The following MAGI1 variants were observed in gnomAD, a reference collection of about 807,000 sequenced individuals.
MAGI1 encodes the protein membrane-associated guanylate kinase, WW and PDZ domain-containing protein 1.
MAGI1 carries 58 observed loss-of-function variants against 139.9 expected under a neutral mutation model. The observed-to-expected ratio is 0.41, with a 90% CI of 0.34 to 0.52. The LOEUF (loss-of-function observed/expected upper bound fraction) is 0.52, where lower values mean the gene tolerates loss of function less well. MAGI1 is among the 20% of genes least tolerant of loss of function. The probability of loss-of-function intolerance (pLI) is 0.12; values close to 1 mark genes in which losing one functional copy is unlikely to be tolerated. For missense variants in MAGI1, 1,874 were observed against 1,901.6 expected (o/e 0.99, Z 0.27); for synonymous variants, 812 against 737.9 (o/e 1.10, Z -1.63).
In MAGI1 at chr3:65,550,098, A is replaced by C. The variant is rs993765072; in HGVS notation, c.431-56467T>G. Among the ~76,000 whole-genome samples the C allele has an allele frequency of 3.9e-5, 6 of 152,254 alleles. No individual in the cohort carries two copies. The East Asian group carries it at 5.8e-4, about 15-fold the overall frequency. On this transcript the variant is annotated intron_variant, in intron 2 of 22. Transcript: ENST00000402939. ...CTCAGTGGAAACCTCTGCTGGCCCC[A>C]TTCCATAGAAGAAAAGCTACCCACA... is the stretch of plus-strand genomic sequence containing the variant.
intron 1 of MAGI1, among the ~76,000 whole-genome samples, chr3:65,735,356 CGTGTGTGTGTGTGT>C (rs368243061): frequency 6.8e-6 from 1 of 148,078 alleles, no homozygotes; most frequent in Non-Finnish European, 1.5e-5. Context: ...TGTGTCTGCA[CGTGTGTGTGTGTGT>C]GTGTGTGTAC....
Position 65,361,218 on chromosome 3 carries a change from G to A in MAGI1, c.3615C>T (p.Asp1205=), listed in dbSNP as rs61751923. The change falls in exon 22 of 23, where the codon GAC becomes GAT. Residue 1205 remains aspartate (D), a synonymous_variant. Coordinates refer to ENST00000402939, the MANE Select transcript of MAGI1 (RefSeq NM_001033057.2). ...ACCCACCATATTCTGGTACTGAGCC[G>A]TCTCCCCGCTTCAGAAACAGACGAA... ...RRVRLFLKRG[D]GSVPEYDPSS... is the part of the protein sequence containing the mutation. The A allele has an allele frequency of 8.3e-4, 1,338 of 1,614,120 alleles. 11 individuals are homozygous for A. In the African/African-American group the frequency reaches 0.013, roughly 16 times the overall value.
chr3:65,959,967 A>C (rs1178547154), intron 1 of MAGI1, among the ~76,000 whole-genome samples: 1 of 150,978 alleles, frequency 6.6e-6, no homozygotes, highest in Non-Finnish European at 1.5e-5. Flanking sequence ...CATCACGCCC[A>C]GCTAATTTTT....
chr3:65,396,037 C>T (rs929196504), intron 13 of MAGI1, among the ~76,000 whole-genome samples: 1 of 151,920 alleles, frequency 6.6e-6, no homozygotes, highest in Non-Finnish European at 1.5e-5. Flanking sequence ...CACTTTGTTG[C>T]CAAATTCAAC....
chr3:65,700,848 G>A (rs2089550895), intron 1 of MAGI1, among the ~76,000 whole-genome samples: 3 of 152,298 alleles, frequency 2.0e-5, no homozygotes, highest in Non-Finnish European at 1.5e-5. Flanking sequence ...TGATGCATGT[G>A]TTAATTAAAT....
rs760336137 is a variant in MAGI1 at position 65,382,028 on chromosome 3, A to G, written c.2550T>C (p.Thr850=). 4 of 1,614,082 alleles carry G rather than the reference A, an allele frequency of 2.5e-6. No individual in the cohort carries two copies. In the East Asian group the frequency reaches 8.9e-5, roughly 36 times the overall value. ...GHIVPLGAAD[T]DGRLRSGDEL... is the part of the protein sequence containing the mutation. ...CATCTCCAGACCTCAGGCGGCCGTC[A>G]GTATCAGCAGCACCCAGTGGTACGA... Residue 850 remains threonine, a synonymous_variant, in exon 16 of 23, where the codon ACT becomes ACC. Coordinates refer to ENST00000402939, the MANE Select transcript of MAGI1 (RefSeq NM_001033057.2).
At chr3:65,690,078 T>C (rs1184822105) in intron 1 of MAGI1, among the ~76,000 whole-genome samples, 1 of 151,890 alleles carries the variant, frequency 6.6e-6, no homozygotes, top group Non-Finnish European at 1.5e-5. Context: ...GCAATAGGAG[T>C]GGCTGCAAGG....
intron 2 of MAGI1, among the ~76,000 whole-genome samples, chr3:65,529,634 A>G (rs1430592242): frequency 6.6e-6 from 1 of 152,108 alleles, no homozygotes; most frequent in Non-Finnish European, 1.5e-5. Flanking sequence ...AGTTGTTTCC[A>G]ACTTTTGGCT....
rs2088103426 is a variant in MAGI1 at position 65,686,993 on chromosome 3, C to G, written c.314-64905G>C. On this transcript the variant is annotated intron_variant, in intron 1 of 22. Transcript: ENST00000402939. ...TATAGCTGAAACATTCACAGTGATT[C>G]TATGTATAGGTGCAAGCATCTCACT... Among the ~76,000 whole-genome samples the G allele has an allele frequency of 2.6e-5, 4 of 152,134 alleles. 1 individual carries two copies. In the South Asian group the frequency reaches 8.3e-4, roughly 32 times the overall value.
chr3:65,722,811 C>T (rs985447045), intron 1 of MAGI1, among the ~76,000 whole-genome samples: 2 of 150,714 alleles, frequency 1.3e-5, no homozygotes, highest in Admixed American at 1.3e-4. Context: ...CATAGGCCCA[C>T]ATTTCTGTAA....
chr3:65,708,980 G>A (rs1346098702), intron 1 of MAGI1, among the ~76,000 whole-genome samples: 1 of 152,120 alleles, frequency 6.6e-6, no homozygotes, highest in East Asian at 1.9e-4. Context: ...GGCAAACTGA[G>A]GTTTTATAAA....
chr3:65,740,942 C>G lies in MAGI1; in HGVS notation c.314-118854G>C, dbSNP rs115531572. ...TTTTTCCTTCTTTATGCTTTTCTAT[C>G]TTTCCTAAGTATTTCAGATTTACTG... is the stretch of plus-strand genomic sequence containing the variant. On this transcript the variant is annotated intron_variant, in intron 1 of 22. Coordinates refer to ENST00000402939, the MANE Select transcript of MAGI1 (RefSeq NM_001033057.2). Among the ~76,000 whole-genome samples, 626 of 152,242 alleles carry G rather than the reference C, an allele frequency of 4.1e-3. 5 individuals carry two copies. Among genetic ancestry groups the G allele is most frequent in the African/African-American group, 0.014 (586 of 41,544 alleles).
chr3:65,781,229 G>C (rs2038906968), intron 1 of MAGI1, among the ~76,000 whole-genome samples: 1 of 151,900 alleles, frequency 6.6e-6, no homozygotes, highest in Non-Finnish European at 1.5e-5. Flanking sequence ...AAAGTTAAAA[G>C]TTCGGATGGA....
intron 2 of MAGI1, chr3:65,597,943 G>C (rs1429785965): frequency 4.4e-6 from 2 of 452,706 alleles, no homozygotes; most frequent in African/African-American, 4.1e-5. Flanking sequence ...GGGTGGGACC[G>C]AACCCCTTCC....
At chr3:65,886,268 T>C (rs2060527768) in intron 1 of MAGI1, among the ~76,000 whole-genome samples, 1 of 152,218 alleles carries the variant, frequency 6.6e-6, no homozygotes, top group African/African-American at 2.4e-5. Context: ...TATGTTGTAT[T>C]TTTTGACAGT....
At chr3:65,366,094 G>A (rs138206772) in intron 18 of MAGI1, among the ~76,000 whole-genome samples, 64 of 152,204 alleles carry the variant, frequency 4.2e-4, no homozygotes, top group African/African-American at 1.5e-3. Context: ...CTCATTAGCT[G>A]TGTGCCTTAT....
intron 5 of MAGI1, among the ~76,000 whole-genome samples, chr3:65,457,254 A>C (rs1949461304): frequency 6.6e-6 from 1 of 152,202 alleles, no homozygotes. Flanking sequence ...CATTGTATGT[A>C]ATACTTTATG....
intron 21 of MAGI1, among the ~76,000 whole-genome samples, chr3:65,363,027 G>T (rs1941044065): frequency 6.6e-6 from 1 of 151,998 alleles, no homozygotes; most frequent in Non-Finnish European, 1.5e-5. Context: ...CCTAAGGTAA[G>T]ACCACTGGTA....
chr3:65,858,305 C>T (rs1341856730), intron 1 of MAGI1, among the ~76,000 whole-genome samples: 3 of 152,114 alleles, frequency 2.0e-5, no homozygotes, highest in Non-Finnish European at 4.4e-5. Context: ...TCCATGTTGA[C>T]ATAATACGAA....
Sources: allele counts gnomAD v4.1 joint callset (sites outside exome capture counted in the v4.1 genomes callset), GRCh38; gene constraint gnomAD v4.1.1; transcripts MANE v1.5; gene names NCBI Gene and HGNC (gene_info 2026-07-23, HGNC 2026-07-21).